The following EPHA7 variants were observed in gnomAD, a reference collection of about 807,000 sequenced individuals.
EPHA7 encodes ephrin type-A receptor 7.
In EPHA7, 25 loss-of-function variants were observed where a neutral mutation model predicts 112.6. The ratio of observed to expected loss-of-function variants is 0.22; its 90% CI spans 0.16 to 0.31. The LOEUF is 0.31. Ranked by LOEUF, EPHA7 falls within the 10% of genes least tolerant of loss-of-function variation. The pLI is 1.00. For missense variants in EPHA7, 962 were observed against 1,212.6 expected, an observed-to-expected ratio of 0.79 and a Z score of 3.07; for synonymous variants, 437 against 406.5, an observed-to-expected ratio of 1.07 and a Z score of -0.90.
chr6:93,418,600 C>G (rs1406665364), intron 1 of EPHA7, among the ~76,000 whole-genome samples: 3 of 152,222 alleles, frequency 2.0e-5, no homozygotes, highest in Admixed American at 6.5e-5. Context: ...GAGACATCCC[C>G]GGCCCTCGGG....
At chr6:93,359,840 C>T (rs1237701971) in intron 3 of EPHA7, among the ~76,000 whole-genome samples, 2 of 118,816 alleles carry the variant, frequency 1.7e-5, no homozygotes, top group African/African-American at 3.0e-5. Context: ...ATAGATCCAT[C>T]GATCAATAGA....
Position 93,242,268 on chromosome 6 carries a change from T to C in EPHA7, c.*1158A>G, listed in dbSNP as rs1241332103. 1 of 202,132 alleles carries C rather than the reference T, an allele frequency of 4.9e-6. No individual in the cohort carries two copies. The highest frequency in any genetic ancestry group is 1.0e-5 in the Non-Finnish European group (1 of 97,880). The allele number at this position is 202,132 out of a possible 1,614,324, so 12.5% of individuals were successfully genotyped here. ...AAACAAAAGACTTTTTGTTTTGTTT[T>C]GTTTTGAACTGCAATGGTGATATTC... On this transcript the variant is annotated 3_prime_UTR_variant, in exon 17 of 17. Transcript: ENST00000369303.
intron 3 of EPHA7, among the ~76,000 whole-genome samples, chr6:93,398,122 T>C (rs1341771174): frequency 6.6e-6 from 1 of 152,006 alleles, no homozygotes; most frequent in Non-Finnish European, 1.5e-5. Flanking sequence ...CCTTAATCTA[T>C]CTTCCTGGCA....
chr6:93,284,219 C>T (rs1173872312), intron 5 of EPHA7, among the ~76,000 whole-genome samples: 1 of 152,016 alleles, frequency 6.6e-6, no homozygotes, highest in Non-Finnish European at 1.5e-5. Context: ...GTTTTCCAGG[C>T]CTAAAACCCA....
chr6:93,359,562 G>A (rs537361689), intron 3 of EPHA7, among the ~76,000 whole-genome samples: 20 of 151,824 alleles, frequency 1.3e-4, no homozygotes, highest in African/African-American at 4.3e-4. Flanking sequence ...TTCTCCACTT[G>A]GGTATTATGC....
chr6:93,405,813 G>GTA (rs60882775), intron 3 of EPHA7, among the ~76,000 whole-genome samples: 2,721 of 73,662 alleles, frequency 0.037, 77 homozygotes, highest in Admixed American at 0.059. Flanking sequence ...GTGTGTGTGT[G>GTA]TATATATATA....
rs764980204 is a variant in EPHA7, at chr6:93,269,476, C to T, written c.1633+1G>A. The T allele has an allele frequency of 6.2e-7, 1 of 1,609,644 alleles. No homozygotes were observed. Among genetic ancestry groups the T allele is most frequent in the South Asian group, 1.1e-5 (1 of 90,924 alleles). ...GGAATCCAAACCAAAGGCATAATTA[C>T]CTTCAAACATTTTACCTGTAGCTTC... On this transcript the variant is annotated splice_donor_variant, in intron 7 of 16. Transcript: ENST00000369303. LOFTEE classifies it high-confidence loss of function.
intron 3 of EPHA7, among the ~76,000 whole-genome samples, chr6:93,383,294 G>GTA (rs1777438668): frequency 7.0e-6 from 1 of 142,088 alleles, no homozygotes; most frequent in Non-Finnish European, 1.5e-5. Context: ...GTGTGTGTGT[G>GTA]TACAATGACT....
intron 3 of EPHA7, among the ~76,000 whole-genome samples, chr6:93,393,449 C>A (rs985273002): frequency 1.3e-5 from 2 of 151,702 alleles, no homozygotes; most frequent in Admixed American, 1.3e-4. Flanking sequence ...CCAAAAAAAA[C>A]GCCTCTCAGA....
At position 93,333,891 on chromosome 6, in the gene EPHA7, G is replaced by C. The variant is rs560135806; in HGVS notation, c.1324+22826C>G. 9.9e-5 allele frequency among the ~76,000 whole-genome samples: 15 copies of C among 151,988 alleles called. No homozygotes were observed. The South Asian group carries it at 1.7e-3, about 17-fold the overall frequency. Reference sequence around the variant, plus strand: ...TTGCTCAAAGCAACTTACAGATTCAGTGTTATTCCTATCAAAATACCGATG... The same window carrying C: ...TTGCTCAAAGCAACTTACAGATTCACTGTTATTCCTATCAAAATACCGATG... On this transcript the variant is annotated intron_variant, in intron 5 of 16. Transcript: ENST00000369303.
chr6:93,410,994 A>C lies in EPHA7; in HGVS notation c.339T>G (p.Pro113=). ...TTTCCTTGCAAGTTCCCAGTACTCCAGGAAGACTGTTACAATCCCTCAGGG... is the reference window on the plus strand; with the variant it reads ...TTTCCTTGCAAGTTCCCAGTACTCCCGGAAGACTGTTACAATCCCTCAGGG... The part of the protein sequence containing the change: ...KFTLRDCNSL[P]GVLGTCKETF... Residue 113 remains proline, a synonymous_variant, in exon 3 of 17, where the codon CCT becomes CCG. Coordinates refer to ENST00000369303, the MANE Select transcript of EPHA7 (RefSeq NM_004440.4). This position sits in a 1 kb window ranked among gnomAD's most constrained non-coding sequence, Gnocchi z 4.0. The C allele has an allele frequency of 2.5e-6, 4 of 1,614,104 alleles. No individual in the cohort carries two copies. The highest frequency in any genetic ancestry group is 3.4e-6 in the Non-Finnish European group (4 of 1,179,986).
intron 5 of EPHA7, among the ~76,000 whole-genome samples, chr6:93,333,801 C>T (rs930264387): frequency 4.0e-5 from 6 of 151,734 alleles, no homozygotes; most frequent in Non-Finnish European, 7.4e-5. Context: ...AGAGATAGCA[C>T]AAGCAAATAG....
intron 5 of EPHA7, among the ~76,000 whole-genome samples, chr6:93,310,526 G>T (rs145735120): frequency 1.3e-5 from 2 of 152,008 alleles, no homozygotes; most frequent in African/African-American, 4.8e-5. Flanking sequence ...TTAGCCGGGC[G>T]TGGTGGCGGG....
chr6:93,416,402 C>T (rs561203364), intron 1 of EPHA7, among the ~76,000 whole-genome samples: 1 of 152,094 alleles, frequency 6.6e-6, no homozygotes, highest in Non-Finnish European at 1.5e-5. Flanking sequence ...TGGGTCATTT[C>T]TGAGAGTGAA....
chr6:93,363,600 C>T (rs2127952769), intron 3 of EPHA7, among the ~76,000 whole-genome samples: 1 of 152,246 alleles, frequency 6.6e-6, no homozygotes, highest in East Asian at 1.9e-4. Flanking sequence ...TAGAACTCTC[C>T]TACACTGCTT....
chr6:93,299,610 C>T (rs552239235), intron 5 of EPHA7, among the ~76,000 whole-genome samples: 15 of 152,120 alleles, frequency 9.9e-5, no homozygotes, highest in African/African-American at 1.7e-4. Context: ...AACTACCATT[C>T]GACACAACAA....
intron 3 of EPHA7, among the ~76,000 whole-genome samples, chr6:93,397,710 G>T (rs1012217412): frequency 1.3e-5 from 2 of 151,774 alleles, no homozygotes; most frequent in African/African-American, 4.8e-5. Flanking sequence ...AATAATAACC[G>T]TGCCCTTTAG....
intron 5 of EPHA7, among the ~76,000 whole-genome samples, chr6:93,299,566 G>A (rs1280794008): frequency 1.3e-5 from 2 of 152,104 alleles, no homozygotes; most frequent in Non-Finnish European, 2.9e-5. Flanking sequence ...ATTGTGGAAA[G>A]CAGTGTGGTG....
intron 7 of EPHA7, among the ~76,000 whole-genome samples, chr6:93,266,316 C>T (rs1009904757): frequency 1.8e-4 from 27 of 151,532 alleles, no homozygotes; most frequent in Admixed American, 1.3e-3. Flanking sequence ...ACCGATGTGT[C>T]CCATGGGCCT....
Sources: allele counts gnomAD v4.1 joint callset (sites outside exome capture counted in the v4.1 genomes callset), GRCh38; gene constraint gnomAD v4.1.1; non-coding constraint Gnocchi (gnomAD v3.1); transcripts MANE v1.5; gene names NCBI Gene and HGNC (gene_info 2026-07-23, HGNC 2026-07-21).